Variants in NECAP1 observed in about 807,000 individuals in gnomAD.
NECAP1 encodes NECAP endocytosis associated 1.
A neutral mutation model predicts 33.4 loss-of-function variants in NECAP1; 13 were observed. The ratio of observed to expected loss-of-function variants is 0.39; its 90% CI spans 0.25 to 0.62. NECAP1 has a LOEUF of 0.62. Among genes scored for constraint, NECAP1 ranks in the 20% least tolerant of loss-of-function variants. The pLI, the probability that NECAP1 is intolerant of heterozygous loss-of-function variation, is 0.52. For missense variants in NECAP1, 272 were observed against 347.4 expected (o/e 0.78, Z 1.73); for synonymous variants, 109 against 125.2 (o/e 0.87, Z 0.86).
At position 8,089,963 on chromosome 12, in the gene NECAP1, T is replaced by A; in HGVS notation, c.123T>A (p.Pro41=). The change falls in exon 2 of 8, where the codon CCT becomes CCA. Residue 41 remains proline (P), a synonymous_variant. Coordinates refer to ENST00000339754, the MANE Select transcript of NECAP1 (RefSeq NM_015509.4). ...YRASDWKLDQ[P]DWTGRLRITS... ...CCTCTGACTGGAAATTAGACCAGCC[T>A]GATTGGACTGGTCGCCTCCGAATCA... is the stretch of plus-strand genomic sequence containing the variant. 1.1e-5 allele frequency: 17 copies of A among 1,614,204 alleles called. No individual in the cohort carries two copies. The highest frequency in any genetic ancestry group is 1.4e-5 in the Non-Finnish European group (16 of 1,180,024).
At chr12:8,093,742 AACAAAAAT>A (rs1216785722) in intron 6 of NECAP1, 1 of 152,046 alleles carries the variant, frequency 6.6e-6, no homozygotes, top group East Asian at 1.9e-4. Context: ...CAAAGAAACA[AACAAAAAT>A]AAATAAATAA....
chr12:8,083,486 A>G (rs1947461753), intron 1 of NECAP1, among the ~76,000 whole-genome samples: 1 of 124,176 alleles, frequency 8.1e-6, no homozygotes, highest in Non-Finnish European at 1.6e-5. Flanking sequence ...CCGGAGCGCA[A>G]TGGCTCAATC....
Position 8,090,310 on chromosome 12 carries a change from T to C in NECAP1, c.301+11T>C. Reference sequence around the variant, plus strand: ...TCCAGGATGGTACTGGTAAGAGAACTGGGATTTTGAGTGGAACGAAGTTAG... The same window carrying C: ...TCCAGGATGGTACTGGTAAGAGAACCGGGATTTTGAGTGGAACGAAGTTAG... On this transcript the variant is annotated intron_variant, in intron 3 of 7. Coordinates refer to ENST00000339754, the MANE Select transcript of NECAP1 (RefSeq NM_015509.4). 1 of 1,612,206 alleles carries C rather than the reference T, an allele frequency of 6.2e-7. No homozygotes were observed. Among genetic ancestry groups the C allele is most frequent in the Non-Finnish European group, 8.5e-7 (1 of 1,178,296 alleles).
Position 8,082,357 on chromosome 12 carries a change from G to GC in NECAP1, c.73dup (p.Arg25ProfsTer11). 6.2e-7 allele frequency: 1 copy of GC among 1,613,596 alleles called. No individual in the cohort carries two copies. Among genetic ancestry groups the GC allele is most frequent in the Non-Finnish European group, 8.5e-7 (1 of 1,179,572 alleles). On this transcript the variant is annotated frameshift_variant, in exon 1 of 8. Transcript: ENST00000339754. LOFTEE classifies it high-confidence loss of function. ...CAGACGTCAGCGTCTACCGGATTCC[G>GC]CCCCGGGCCTCCAACCGCGGTTACA... is the stretch of plus-strand genomic sequence containing the variant.
At chr12:8,082,654 C>G in intron 1 of NECAP1, 1 of 436,342 alleles carries the variant, frequency 2.3e-6, no homozygotes, top group Non-Finnish European at 4.3e-6. Context: ...TCCCCTGGGG[C>G]ACCCATCTGC....
chr12:8,082,418 T>C (rs765829977), intron 1 of NECAP1, 35 bp downstream of exon 1: 2 of 1,578,416 alleles, frequency 1.3e-6, no homozygotes, highest in Non-Finnish European at 1.7e-6. Flanking sequence ...ACACGCGTAC[T>C]CTGTCGCAGA....
chr12:8,084,554 C>T (rs894824453), intron 1 of NECAP1, among the ~76,000 whole-genome samples: 3 of 152,104 alleles, frequency 2.0e-5, no homozygotes, highest in Admixed American at 1.3e-4. Context: ...CCTCGCCCCT[C>T]CCCCGAGAGG....
intron 7 of NECAP1, 28 bp from the exon 8 acceptor site, chr12:8,096,014 T>C: frequency 9.3e-6 from 15 of 1,613,162 alleles, no homozygotes; most frequent in Non-Finnish European, 1.2e-5. Context: ...ATTATGTCTC[T>C]GGCTTTCTCT....
Position 8,097,122 on chromosome 12 carries a change from A to G in NECAP1, c.*1032A>G, listed in dbSNP as rs932723987. Reference sequence around the variant, plus strand: ...TTAATAGAAAGCTGCTATTATGTATATTGTCATTTGTGAAGGAAGTTGGAG... The same window carrying G: ...TTAATAGAAAGCTGCTATTATGTATGTTGTCATTTGTGAAGGAAGTTGGAG... On this transcript the variant is annotated 3_prime_UTR_variant, in exon 8 of 8. Coordinates refer to ENST00000339754, the MANE Select transcript of NECAP1 (RefSeq NM_015509.4). 2 of 152,538 alleles carry G rather than the reference A, an allele frequency of 1.3e-5. No individual in the cohort carries two copies. The highest frequency in any genetic ancestry group is 4.8e-5 in the African/African-American group (2 of 41,404). 9.4% of individuals were successfully genotyped at this position (152,538 alleles called of 1,614,324 possible).
At chr12:8,092,175 G>T in intron 4 of NECAP1, 1 of 355,016 alleles carries the variant, frequency 2.8e-6, no homozygotes, top group Non-Finnish European at 5.3e-6. Flanking sequence ...TGCCACTCTT[G>T]TTACCTTATG....
intron 1 of NECAP1, among the ~76,000 whole-genome samples, chr12:8,085,308 G>T (rs111859734): frequency 9.2e-5 from 14 of 152,060 alleles, no homozygotes; most frequent in East Asian, 3.8e-4. Context: ...GTGAGCCACC[G>T]CACCCGGCCT....
chr12:8,082,772 TCTCA>T (rs1227955873), intron 1 of NECAP1: 1,449 of 114,790 alleles, frequency 0.013, 25 homozygotes, highest in African/African-American at 0.059. Context: ...TCTCTCTCTC[TCTCA>T]CACACACACA....
At position 8,097,112 on chromosome 12, in the gene NECAP1, T is replaced by C. The variant is rs532837556; in HGVS notation, c.*1022T>C. Reference sequence around the variant, plus strand: ...ATGTAGTTCTTTAATAGAAAGCTGCTATTATGTATATTGTCATTTGTGAAG... The same window carrying C: ...ATGTAGTTCTTTAATAGAAAGCTGCCATTATGTATATTGTCATTTGTGAAG... On this transcript the variant is annotated 3_prime_UTR_variant, in exon 8 of 8. Coordinates refer to ENST00000339754, the MANE Select transcript of NECAP1 (RefSeq NM_015509.4). The C allele has an allele frequency of 5.2e-5, 8 of 152,768 alleles. No homozygotes were observed. Among genetic ancestry groups the C allele is most frequent in the South Asian group, 2.1e-4 (1 of 4,824 alleles). 9.5% of individuals were successfully genotyped at this position (152,768 alleles called of 1,614,324 possible).
chr12:8,095,761 T>C, intron 7 of NECAP1, 58 bp downstream of exon 7: 1 of 1,488,222 alleles, frequency 6.7e-7, no homozygotes. Flanking sequence ...ATATGTACAG[T>C]CAATTGAAAT....
chr12:8,082,578 T>G (rs993091715), intron 1 of NECAP1, among the ~76,000 whole-genome samples, 195 bp downstream of exon 1: 7 of 354 alleles, frequency 0.02, no homozygotes, highest in Non-Finnish European at 0.069. Flanking sequence ...TTTCTGCCGT[T>G]TTTTTTTTTG....
At chr12:8,094,076 A>G (rs1250210984) in intron 6 of NECAP1, among the ~76,000 whole-genome samples, 1 of 152,182 alleles carries the variant, frequency 6.6e-6, no homozygotes, top group Non-Finnish European at 1.5e-5. Flanking sequence ...TTTTAACTTA[A>G]TGTATTGGAC....
rs1947598898 is a variant in NECAP1, at chr12:8,096,764, T to C, written c.*674T>C. 7.9e-6 allele frequency: 1 copy of C among 127,352 alleles called. No individual in the cohort carries two copies. The highest frequency in any genetic ancestry group is 1.7e-5 in the Non-Finnish European group (1 of 59,664). The allele number at this position is 127,352 out of a possible 1,614,324, so 7.9% of individuals were successfully genotyped here. A position where few individuals can be genotyped will look rare whatever the true frequency, so the allele number is the denominator to read the frequency against. On this transcript the variant is annotated 3_prime_UTR_variant, in exon 8 of 8. Coordinates refer to ENST00000339754, the MANE Select transcript of NECAP1 (RefSeq NM_015509.4). ...GTTGTGTTGGTGGCACCTCCACTAC[T>C]CTTTTCTGTTTGTTGAGTTTGAATT...
At chr12:8,094,326 A>T (rs1947575412) in intron 6 of NECAP1, among the ~76,000 whole-genome samples, 1 of 152,206 alleles carries the variant, frequency 6.6e-6, no homozygotes. Flanking sequence ...CTCAATTGGT[A>T]ATATTTTGTG....
At chr12:8,092,509 C>T in intron 4 of NECAP1, 167 bp from the exon 5 acceptor site, 1 of 572,890 alleles carries the variant, frequency 1.7e-6, no homozygotes, top group Non-Finnish European at 3.1e-6. Context: ...GAATTGAACC[C>T]CAGTTGTTTT....
Sources: allele counts gnomAD v4.1 joint callset (sites outside exome capture counted in the v4.1 genomes callset), GRCh38; gene constraint gnomAD v4.1.1; transcripts MANE v1.5; gene names NCBI Gene and HGNC (gene_info 2026-07-23, HGNC 2026-07-21).